Variants in B3GNT8 observed in about 807,000 individuals in gnomAD.
The protein encoded by B3GNT8 is N-acetyllactosaminide beta-1,3-N-acetylglucosaminyltransferase 8.
For synonymous variants in B3GNT8, 258 were observed against 238.3 expected, an observed-to-expected ratio of 1.08 and a Z score of -0.76; for missense variants, 502 against 530.5, an observed-to-expected ratio of 0.95 and a Z score of 0.53.
chr19:41,426,751 G>A lies in B3GNT8; in HGVS notation c.28C>T (p.Leu10=). The change falls in exon 2 of 2, where the codon CTG becomes TTG. Residue 10 remains leucine, a synonymous_variant. Transcript: ENST00000691102. The surrounding 1 kb of genome is among the most constrained non-coding windows in gnomAD (Gnocchi z 4.9). ...CCCAGGAGTGTGAGCAGTGCTGACA[G>A]GCAGAGAAGGCACTTGGGGCAGCGC... is the stretch of plus-strand genomic sequence containing the variant. MRCPKCLLC[L]SALLTLLGLK... is the part of the protein sequence containing the mutation. 6.2e-7 allele frequency: 1 copy of A among 1,612,844 alleles called. No homozygotes were observed. The highest frequency in any genetic ancestry group is 8.5e-7 in the Non-Finnish European group (1 of 1,179,928).
rs2122160315 is a variant in B3GNT8, at chr19:41,427,048, C to G, written c.-33+236G>C. 6.6e-6 allele frequency among the ~76,000 whole-genome samples: 1 copy of G among 152,250 alleles called. No homozygotes were observed. The highest frequency in any genetic ancestry group is 2.1e-4 in the South Asian group (1 of 4,830). ...TCCAATCCCGTACCAGCACCCTGTT[C>G]TTCCCACTCCGTCCAAATGCTTCCA... On this transcript the variant is annotated intron_variant, in intron 1 of 1. Transcript: ENST00000691102. This position sits in a 1 kb window ranked among gnomAD's most constrained non-coding sequence, Gnocchi z 5.6.
In B3GNT8 at chr19:41,426,823, C is replaced by T; in HGVS notation, c.-32-13G>A. 2 of 1,588,738 alleles carry T rather than the reference C, an allele frequency of 1.3e-6. No individual in the cohort carries two copies. Among genetic ancestry groups the T allele is most frequent in the African/African-American group, 2.7e-5 (2 of 74,710 alleles). On this transcript the variant is annotated splice_polypyrimidine_tract_variant and intron_variant, in intron 1 of 1. Coordinates refer to ENST00000691102, the MANE Select transcript of B3GNT8 (RefSeq NM_001385648.2). This position sits in a 1 kb window ranked among gnomAD's most constrained non-coding sequence, Gnocchi z 4.9. ...GCGGCCGCGGGAGCTACAAGGGAGC[C>T]ACAGGGGAGCCACGGAGGCCATTGG...
Sources: gnomAD v4.1 joint callset for allele counts (sites outside exome capture counted in the v4.1 genomes callset) on GRCh38, gnomAD v4.1.1 for gene constraint, Gnocchi (gnomAD v3.1) non-coding constraint, MANE v1.5 for transcripts, NCBI Gene and HGNC (gene_info 2026-07-23, HGNC 2026-07-21) for gene names.